Variants in RDX observed in about 807,000 individuals in gnomAD.
RDX encodes the protein radixin, also known as deafness, autosomal recessive 24.
A neutral mutation model predicts 83.7 loss-of-function variants in RDX; 32 were observed. The ratio of observed to expected loss-of-function variants is 0.38; its 90% CI spans 0.29 to 0.51. The LOEUF (loss-of-function observed/expected upper bound fraction) is 0.51. Ranked by LOEUF, RDX falls within the 20% of genes least tolerant of loss-of-function variation. The pLI is 0.87. For synonymous variants in RDX, 229 were observed against 222.7 expected, an observed-to-expected ratio of 1.03 and a Z score of -0.25; for missense variants, 600 against 689.9, an observed-to-expected ratio of 0.87 and a Z score of 1.46.
intron 10 of RDX, among the ~76,000 whole-genome samples, chr11:110,242,135 A>G (rs1253260304): frequency 6.6e-6 from 1 of 152,204 alleles, no homozygotes; most frequent in Admixed American, 6.5e-5. Flanking sequence ...TATATTTTGC[A>G]TCAGTGAACT....
intron 15 of RDX, among the ~76,000 whole-genome samples, chr11:110,186,013 A>G (rs1269143628): frequency 6.6e-6 from 1 of 152,144 alleles, no homozygotes; most frequent in Non-Finnish European, 1.5e-5. Context: ...CCCCCAAACC[A>G]ATGCATTTCC....
chr11:110,247,080 G>C (rs918531553), intron 10 of RDX, among the ~76,000 whole-genome samples: 11 of 151,914 alleles, frequency 7.2e-5, no homozygotes, highest in African/African-American at 2.2e-4. Flanking sequence ...ATATCCTAAA[G>C]TTACTTAATA....
chr11:110,280,653 G>T (rs1277677911), intron 1 of RDX, among the ~76,000 whole-genome samples: 1 of 152,198 alleles, frequency 6.6e-6, no homozygotes, highest in Non-Finnish European at 1.5e-5. Context: ...CTAACAACCT[G>T]CATTCAGCTA....
At chr11:110,277,480 T>C (rs964294648) in intron 2 of RDX, among the ~76,000 whole-genome samples, 3 of 152,040 alleles carry the variant, frequency 2.0e-5, no homozygotes, top group African/African-American at 7.2e-5. Context: ...CCACAATGCC[T>C]GGCTAATTTT....
rs533734531 is a variant in RDX, at chr11:110,237,786, C to A, written c.1091-134G>T. The A allele has an allele frequency of 9.0e-6, 9 of 1,004,108 alleles. 1 individual carries two copies. The South Asian group carries it at 1.2e-4, about 13-fold the overall frequency. The allele number at this position is 1,004,108 out of a possible 1,614,324, so 62.2% of individuals were successfully genotyped here. On this transcript the variant is annotated intron_variant, in intron 10 of 13. Coordinates refer to ENST00000645495, the MANE Select transcript of RDX (RefSeq NM_002906.4). ...TAGCACACATGTAAATACATATATA[C>A]CTCTTTGTTTTCTTGAGACAGGGTC...
intron 15 of RDX, among the ~76,000 whole-genome samples, chr11:110,187,468 C>T (rs764114396): frequency 4.6e-5 from 7 of 152,216 alleles, no homozygotes; most frequent in Non-Finnish European, 8.8e-5. Context: ...CCTTCCTGAG[C>T]AGAGATCATG....
intron 5 of RDX, among the ~76,000 whole-genome samples, chr11:110,261,107 TGTA>T (rs575714160): frequency 5.5e-4 from 84 of 152,336 alleles, no homozygotes; most frequent in African/African-American, 1.9e-3. Flanking sequence ...CTCCCAAAAC[TGTA>T]TCTATAGTCC....
At chr11:110,232,442 A>G (rs112065452) in intron 13 of RDX, among the ~76,000 whole-genome samples, 4,231 of 152,286 alleles carry the variant, frequency 0.028, 95 homozygotes, top group Non-Finnish European at 0.038. Flanking sequence ...AACAATTAAA[A>G]TATTAGATAA....
intron 14 of RDX, among the ~76,000 whole-genome samples, chr11:110,203,008 G>A (rs1863470933): frequency 6.6e-6 from 1 of 151,998 alleles, no homozygotes; most frequent in Non-Finnish European, 1.5e-5. Context: ...CCACTACTGT[G>A]TATATACCCC....
chr11:110,260,011 A>T (rs558505708), intron 5 of RDX, among the ~76,000 whole-genome samples: 38 of 149,440 alleles, frequency 2.5e-4, no homozygotes, highest in Non-Finnish European at 4.9e-4. Context: ...CTTTAGACAG[A>T]GTTTCGCTCT....
intron 4 of RDX, 87 bp from the exon 5 acceptor site, chr11:110,264,321 A>T: frequency 1.2e-6 from 1 of 867,496 alleles, no homozygotes; most frequent in Non-Finnish European, 1.8e-6. Flanking sequence ...TTTGGAAGAA[A>T]ATGAAGTGAA....
At chr11:110,222,744 C>T (rs912507648) in intron 14 of RDX, among the ~76,000 whole-genome samples, 5 of 151,728 alleles carry the variant, frequency 3.3e-5, no homozygotes, top group Non-Finnish European at 5.9e-5. Context: ...TGCAGTGAGC[C>T]GAGATCGCTC....
At chr11:110,220,244 A>G (rs893223983) in intron 14 of RDX, among the ~76,000 whole-genome samples, 1 of 152,240 alleles carries the variant, frequency 6.6e-6, no homozygotes, top group Non-Finnish European at 1.5e-5. Flanking sequence ...TCATAATACA[A>G]AAGGATGAAA....
At chr11:110,273,071 T>C (rs1162544985) in intron 2 of RDX, 1 of 456,124 alleles carries the variant, frequency 2.2e-6, no homozygotes, top group Admixed American at 2.3e-5. Flanking sequence ...ATTTAAAAAT[T>C]AGTTGGGTGT....
intron 7 of RDX, among the ~76,000 whole-genome samples, chr11:110,257,097 A>C (rs923635109): frequency 6.6e-6 from 1 of 151,772 alleles, no homozygotes; most frequent in African/African-American, 2.4e-5. Context: ...GTATGTGTAT[A>C]ATATACCGTC....
At chr11:110,186,917 T>C (rs1862999277) in intron 15 of RDX, among the ~76,000 whole-genome samples, 1 of 152,278 alleles carries the variant, frequency 6.6e-6, no homozygotes. Flanking sequence ...ATTGGAGCAT[T>C]TGCTCTGGAG....
chr11:110,289,331 ATTAAG>A (rs1194950459), intron 1 of RDX, among the ~76,000 whole-genome samples: 9 of 152,232 alleles, frequency 5.9e-5, no homozygotes, highest in African/African-American at 2.2e-4. Context: ...AATAATTTCA[ATTAAG>A]TTGACAATCA....
At chr11:110,258,247 C>G in intron 5 of RDX, 58 bp from the exon 6 acceptor site, 1 of 1,140,716 alleles carries the variant, frequency 8.8e-7, no homozygotes, top group South Asian at 1.4e-5. Context: ...AAAGCATACA[C>G]TTTAAAAGTA....
At chr11:110,200,965 C>T (rs948758474) in intron 14 of RDX, among the ~76,000 whole-genome samples, 1 of 152,022 alleles carries the variant, frequency 6.6e-6, no homozygotes, top group African/African-American at 2.4e-5. Flanking sequence ...CACCTGAGGT[C>T]GGGAGTTCGA....
Sources: gnomAD v4.1 joint callset for allele counts (sites outside exome capture counted in the v4.1 genomes callset) on GRCh38, gnomAD v4.1.1 for gene constraint, MANE v1.5 for transcripts, NCBI Gene and HGNC (gene_info 2026-07-23, HGNC 2026-07-21) for gene names.